Variants in KIRREL3 observed in about 807,000 individuals in gnomAD.
The protein encoded by KIRREL3 is kin of IRRE-like protein 3.
In KIRREL3, 36 loss-of-function variants were observed where a neutral mutation model predicts 89.7. The ratio of observed to expected loss-of-function variants is 0.40; its 90% CI spans 0.31 to 0.53. The LOEUF (loss-of-function observed/expected upper bound fraction) is 0.53. Among genes scored for constraint, KIRREL3 ranks in the 20% least tolerant of loss-of-function variants. The pLI is 0.49. For synonymous variants in KIRREL3, 445 were observed against 441.4 expected, an observed-to-expected ratio of 1.01 and a Z score of -0.10; for missense variants, 864 against 1,056.6, an observed-to-expected ratio of 0.82 and a Z score of 2.53.
In KIRREL3 at chr11:126,815,090, A is replaced by C. The variant is rs796701691; in HGVS notation, c.55+185365T>G. On this transcript the variant is annotated intron_variant, in intron 1 of 16. Transcript: ENST00000525144. Reference sequence around the variant, plus strand: ...GGGTGTAAAGCTTTAAAAAAAAGAAAGTCTCTTACGGTGTTGGCTTATTTA... The same window carrying C: ...GGGTGTAAAGCTTTAAAAAAAAGAACGTCTCTTACGGTGTTGGCTTATTTA... Among the ~76,000 whole-genome samples the C allele has an allele frequency of 1.2e-4, 19 of 152,268 alleles. 1 individual carries two copies. Among genetic ancestry groups the C allele is most frequent in the African/African-American group, 4.6e-4 (19 of 41,512 alleles).
In KIRREL3 at chr11:126,429,347, A is replaced by G; in HGVS notation, c.1697-59T>C. On this transcript the variant is annotated intron_variant, in intron 14 of 16. Transcript: ENST00000525144. This position sits in a 1 kb window ranked among gnomAD's most constrained non-coding sequence, Gnocchi z 5.2. ...TTTAGTTCTTACCTTTGAGATGTCA[A>G]GCTCCCTTGCAGTCCCCTGCCCCTG... is the stretch of plus-strand genomic sequence containing the variant. 7.8e-7 allele frequency: 1 copy of G among 1,284,580 alleles called. No homozygotes were observed. The highest frequency in any genetic ancestry group is 1.1e-6 in the Non-Finnish European group (1 of 889,210). 79.6% of individuals were successfully genotyped at this position (1,284,580 alleles called of 1,614,324 possible).
chr11:126,450,956 T>C (rs1956074340), intron 7 of KIRREL3, among the ~76,000 whole-genome samples: 1 of 151,114 alleles, frequency 6.6e-6, no homozygotes, highest in Non-Finnish European at 1.5e-5. Context: ...TGTGCATGTG[T>C]GAGCGTGTGC....
chr11:126,661,774 A>T (rs1945413828), intron 1 of KIRREL3, among the ~76,000 whole-genome samples: 1 of 152,200 alleles, frequency 6.6e-6, no homozygotes, highest in Admixed American at 6.5e-5. Context: ...TTAATTGGTC[A>T]GGGATGGGTC....
At chr11:126,691,910 G>A (rs1203435020) in intron 1 of KIRREL3, among the ~76,000 whole-genome samples, 1 of 152,184 alleles carries the variant, frequency 6.6e-6, no homozygotes, top group Admixed American at 6.5e-5. Flanking sequence ...AGAAGCATAT[G>A]GAAAGATGTT....
chr11:126,964,382 G>C (rs933800541), intron 1 of KIRREL3, among the ~76,000 whole-genome samples: 1 of 152,184 alleles, frequency 6.6e-6, no homozygotes, highest in African/African-American at 2.4e-5. Context: ...CTCCCCCATA[G>C]ATAGATAGTT....
chr11:126,930,214 G>A (rs1357140432), intron 1 of KIRREL3, among the ~76,000 whole-genome samples: 1 of 151,872 alleles, frequency 6.6e-6, no homozygotes, highest in East Asian at 1.9e-4. Context: ...CAGGGTTGTT[G>A]TATGCGTGTG....
chr11:126,673,180 G>A (rs755676898), intron 1 of KIRREL3, among the ~76,000 whole-genome samples: 1 of 152,372 alleles, frequency 6.6e-6, no homozygotes, highest in Middle Eastern at 3.4e-3. Flanking sequence ...CTGCAAAGAC[G>A]CAGGAATGCA....
chr11:126,565,618 G>C lies in KIRREL3; in HGVS notation c.56-2706C>G, dbSNP rs771536277. 6.6e-6 allele frequency among the ~76,000 whole-genome samples: 1 copy of C among 152,174 alleles called. No homozygotes were observed. Among genetic ancestry groups the C allele is most frequent in the Non-Finnish European group, 1.5e-5 (1 of 68,038 alleles). ...AAGCTACTGGGATCTTTGCAAGAAC[G>C]AGCAGGTTGGAGGATGAGTGAAGTG... is the stretch of plus-strand genomic sequence containing the variant. On this transcript the variant is annotated intron_variant, in intron 1 of 16. Coordinates refer to ENST00000525144, the MANE Select transcript of KIRREL3 (RefSeq NM_032531.4). This position sits in a 1 kb window ranked among gnomAD's most constrained non-coding sequence, Gnocchi z 5.4.
At chr11:126,756,951 A>G (rs1361525471) in intron 1 of KIRREL3, among the ~76,000 whole-genome samples, 2 of 152,246 alleles carry the variant, frequency 1.3e-5, no homozygotes, top group Middle Eastern at 3.2e-3. Context: ...GTGCCTGGCC[A>G]GACATATCCA....
chr11:126,442,353 C>CACAA lies in KIRREL3; in HGVS notation c.1253-1805_1253-1804insTTGT, dbSNP rs1555105027. 8.8e-4 allele frequency among the ~76,000 whole-genome samples: 100 copies of CACAA among 113,682 alleles called. 2 individuals are homozygous for CACAA. The highest frequency in any genetic ancestry group is 3.0e-3 in the African/African-American group (97 of 31,844). 74.6% of individuals were successfully genotyped at this position (113,682 alleles called of 152,430 possible). ...ACACACACACACACACACACACACA[C>CACAA]AAAACCTTTTCCTTGTGCTTCCCAG... On this transcript the variant is annotated intron_variant, in intron 10 of 16. Transcript: ENST00000525144.
chr11:126,748,906 C>G lies in KIRREL3; in HGVS notation c.56-185994G>C, dbSNP rs974034856. ...AATTTGCAAGACCAAGTAATTCCTTCTCAGTTCATTGCCTCGTAGGTGGGA... is the reference window on the plus strand; with the variant it reads ...AATTTGCAAGACCAAGTAATTCCTTGTCAGTTCATTGCCTCGTAGGTGGGA... On this transcript the variant is annotated intron_variant, in intron 1 of 16. Transcript: ENST00000525144. This position sits in a 1 kb window ranked among gnomAD's most constrained non-coding sequence, Gnocchi z 4.6. Among the ~76,000 whole-genome samples, 1 of 152,220 alleles carries G rather than the reference C, an allele frequency of 6.6e-6. No individual in the cohort carries two copies. Among genetic ancestry groups the G allele is most frequent in the African/African-American group, 2.4e-5 (1 of 41,450 alleles).
chr11:126,679,424 G>C (rs1475609790), intron 1 of KIRREL3, among the ~76,000 whole-genome samples: 1 of 152,192 alleles, frequency 6.6e-6, no homozygotes, highest in East Asian at 1.9e-4. Context: ...AGTGCTTTGT[G>C]TTCATTTTGA....
chr11:126,732,877 TG>T (rs1379430354), intron 1 of KIRREL3, among the ~76,000 whole-genome samples: 1 of 152,238 alleles, frequency 6.6e-6, no homozygotes, highest in Non-Finnish European at 1.5e-5. Context: ...GAGGCTGGAC[TG>T]AAGTTAAAGA....
chr11:126,497,241 TGA>T lies in KIRREL3; in HGVS notation c.434-23777_434-23776del, dbSNP rs564593334. Among the ~76,000 whole-genome samples the T allele has an allele frequency of 2.1e-3, 322 of 150,972 alleles. 1 individual carries two copies. The highest frequency in any genetic ancestry group is 0.01 in the Middle Eastern group (3 of 290). On this transcript the variant is annotated intron_variant, in intron 4 of 16. Transcript: ENST00000525144. ...GAGAGTGAGTGTGTGTGAGACAGTG[TGA>T]GTGTGTGCGTGACAGTGTGAGTGTC... is the stretch of plus-strand genomic sequence containing the variant.
Position 126,646,477 on chromosome 11 carries a change from T to TC in KIRREL3, c.56-83566_56-83565insG, listed in dbSNP as rs1438213818. Among the ~76,000 whole-genome samples, 9 of 150,016 alleles carry TC rather than the reference T, an allele frequency of 6.0e-5. No homozygotes were observed. The East Asian group carries it at 1.8e-3, about 29-fold the overall frequency. On this transcript the variant is annotated intron_variant, in intron 1 of 16. Transcript: ENST00000525144. ...CTCTAAATTTGTGCCCCAAGTATTT[T>TC]TTTTTTTTTTTTTTTGAGACAGAGT...
Position 126,854,637 on chromosome 11 carries a change from C to T in KIRREL3, c.55+145818G>A, listed in dbSNP as rs148278174. Among the ~76,000 whole-genome samples, 7 of 152,260 alleles carry T rather than the reference C, an allele frequency of 4.6e-5. No homozygotes were observed. In the East Asian group the frequency reaches 7.7e-4, roughly 17 times the overall value. On this transcript the variant is annotated intron_variant, in intron 1 of 16. Coordinates refer to ENST00000525144, the MANE Select transcript of KIRREL3 (RefSeq NM_032531.4). ...TCCATTTGTCCATTGATAGATGATC[C>T]GGTTGCTTCCACCATTGACTATTGT...
rs998316441 is a variant in KIRREL3 at position 126,594,277 on chromosome 11, C to T, written c.56-31365G>A. Among the ~76,000 whole-genome samples the T allele has an allele frequency of 1.3e-5, 2 of 151,602 alleles. No individual in the cohort carries two copies. The highest frequency in any genetic ancestry group is 6.6e-5 in the Admixed American group (1 of 15,236). ...TGAAGGGTAGGGCTGGGGGCTGGGT[C>T]GGAGCCACAGGATTCATGGCGTACT... On this transcript the variant is annotated intron_variant, in intron 1 of 16. Transcript: ENST00000525144. The surrounding 1 kb of genome is among the most constrained non-coding windows in gnomAD (Gnocchi z 5.0).
At chr11:126,859,539 C>T (rs1944641568) in intron 1 of KIRREL3, among the ~76,000 whole-genome samples, 1 of 152,110 alleles carries the variant, frequency 6.6e-6, no homozygotes, top group Non-Finnish European at 1.5e-5. Flanking sequence ...GGAGGGGACC[C>T]CCAAACTATA....
chr11:126,901,169 G>T (rs552356346), intron 1 of KIRREL3, among the ~76,000 whole-genome samples: 3 of 137,378 alleles, frequency 2.2e-5, no homozygotes, highest in Admixed American at 1.6e-4. Flanking sequence ...AGCTGAGATC[G>T]CACCATTGCA....
Sources: allele counts gnomAD v4.1 joint callset (sites outside exome capture counted in the v4.1 genomes callset), GRCh38; gene constraint gnomAD v4.1.1; non-coding constraint Gnocchi (gnomAD v3.1); transcripts MANE v1.5; gene names NCBI Gene and HGNC (gene_info 2026-07-23, HGNC 2026-07-21).